Variants in L3MBTL4 observed in about 807,000 individuals in gnomAD.
L3MBTL4 encodes lethal(3)malignant brain tumor-like protein 4.
A neutral mutation model predicts 84.5 loss-of-function variants in L3MBTL4; 70 were observed. The ratio of observed to expected loss-of-function variants is 0.83; its 90% confidence interval spans 0.68 to 1.01. The LOEUF (loss-of-function observed/expected upper bound fraction) is 1.01. Ranked by LOEUF, L3MBTL4 falls within the 50% of genes least tolerant of loss-of-function variation. The pLI is 0.00. For synonymous variants in L3MBTL4, 274 were observed against 259.8 expected (o/e 1.05, Z -0.52); for missense variants, 715 against 754.8 (o/e 0.95, Z 0.62).
intron 4 of L3MBTL4, among the ~76,000 whole-genome samples, chr18:6,293,145 C>A (rs2146721441): frequency 6.6e-6 from 1 of 152,248 alleles, no homozygotes; most frequent in South Asian, 2.1e-4. Context: ...GTAGTTTACT[C>A]AACTTCAACA....
intron 12 of L3MBTL4, among the ~76,000 whole-genome samples, chr18:6,197,908 C>A (rs541863419): frequency 6.6e-6 from 1 of 152,188 alleles, no homozygotes; most frequent in East Asian, 1.9e-4. Flanking sequence ...AGCCCAGAAG[C>A]GTCTGTTAGG....
chr18:6,180,221 G>A (rs2044406206), intron 12 of L3MBTL4, among the ~76,000 whole-genome samples: 1 of 151,984 alleles, frequency 6.6e-6, no homozygotes. Flanking sequence ...GAAGGAGAGA[G>A]CATGAAGGAA....
At chr18:6,118,859 T>A (rs1218019808) in intron 14 of L3MBTL4, among the ~76,000 whole-genome samples, 3 of 152,300 alleles carry the variant, frequency 2.0e-5, no homozygotes, top group African/African-American at 7.2e-5. Flanking sequence ...TTTTAGGGGT[T>A]TGCAATGTGT....
At chr18:6,043,997 C>G (rs545179853) in intron 16 of L3MBTL4, among the ~76,000 whole-genome samples, 1 of 152,272 alleles carries the variant, frequency 6.6e-6, no homozygotes, top group South Asian at 2.1e-4. Context: ...ACACAGGGTA[C>G]TTGCTCCATA....
At chr18:6,388,068 C>G (rs341197) in intron 1 of L3MBTL4, among the ~76,000 whole-genome samples, 1 of 151,716 alleles carries the variant, frequency 6.6e-6, no homozygotes, top group Admixed American at 6.6e-5. Flanking sequence ...AATATGATAC[C>G]CTTTTATACC....
intron 13 of L3MBTL4, among the ~76,000 whole-genome samples, chr18:6,156,699 G>T (rs1201293156): frequency 1.3e-5 from 2 of 152,142 alleles, no homozygotes; most frequent in Non-Finnish European, 2.9e-5. Context: ...AGAATCTGGC[G>T]AGCCTTACTG....
chr18:6,344,758 A>C (rs528809513), intron 1 of L3MBTL4, among the ~76,000 whole-genome samples: 2 of 152,332 alleles, frequency 1.3e-5, no homozygotes, highest in African/African-American at 4.8e-5. Flanking sequence ...CATATGCTAC[A>C]TTAACAGAAT....
At chr18:6,383,830 G>A (rs1194050421) in intron 1 of L3MBTL4, among the ~76,000 whole-genome samples, 2 of 152,162 alleles carry the variant, frequency 1.3e-5, no homozygotes, top group African/African-American at 2.4e-5. Context: ...TGTACAATCT[G>A]CATGAATGTT....
At chr18:6,129,266 T>A (rs1386526210) in intron 14 of L3MBTL4, among the ~76,000 whole-genome samples, 1 of 152,122 alleles carries the variant, frequency 6.6e-6, no homozygotes, top group Non-Finnish European at 1.5e-5. Flanking sequence ...CCAAAACAGT[T>A]TATCAGCTAT....
At position 6,295,363 on chromosome 18, in the gene L3MBTL4, T is replaced by C. The variant is rs1599525996; in HGVS notation, c.127+6540A>G. Among the ~76,000 whole-genome samples the C allele has an allele frequency of 2.0e-5, 3 of 148,490 alleles. No individual in the cohort carries two copies. The South Asian group carries it at 6.4e-4, about 32-fold the overall frequency. On this transcript the variant is annotated intron_variant, in intron 4 of 18. Coordinates refer to ENST00000317931, the MANE Select transcript of L3MBTL4 (RefSeq NM_001330559.2). ...CTCTCTCTCTATATATATATATATA[T>C]ATATATATACAGCCTTTATGAATAC... is the stretch of plus-strand genomic sequence containing the variant.
At chr18:6,246,401 A>G (rs2047668118) in intron 5 of L3MBTL4, among the ~76,000 whole-genome samples, 1 of 152,144 alleles carries the variant, frequency 6.6e-6, no homozygotes, top group African/African-American at 2.4e-5. Context: ...CCAATTCATC[A>G]TTATTTTCTT....
intron 10 of L3MBTL4, among the ~76,000 whole-genome samples, chr18:6,229,598 T>G (rs1568348557): frequency 6.6e-6 from 1 of 152,186 alleles, no homozygotes. Flanking sequence ...TTTAAGAACT[T>G]CAATAGTTTT....
chr18:6,332,108 C>T (rs2052069025), intron 1 of L3MBTL4, among the ~76,000 whole-genome samples: 1 of 152,182 alleles, frequency 6.6e-6, no homozygotes, highest in Non-Finnish European at 1.5e-5. Flanking sequence ...CCTTGACATT[C>T]TGCCTTCATA....
intron 16 of L3MBTL4, among the ~76,000 whole-genome samples, chr18:6,016,934 AG>A (rs1391220462): frequency 1.3e-5 from 2 of 152,146 alleles, no homozygotes; most frequent in Non-Finnish European, 2.9e-5. Flanking sequence ...CAGCCAGGCC[AG>A]GGGTACCACC....
intron 16 of L3MBTL4, among the ~76,000 whole-genome samples, chr18:6,074,056 T>G (rs1258372309): frequency 6.9e-6 from 1 of 144,094 alleles, no homozygotes; most frequent in Admixed American, 6.7e-5. Flanking sequence ...ATGTGAAGTG[T>G]TTTTTTGTTT....
intron 14 of L3MBTL4, among the ~76,000 whole-genome samples, chr18:6,113,571 T>C (rs1200516251): frequency 1.3e-5 from 2 of 152,032 alleles, no homozygotes; most frequent in Non-Finnish European, 2.9e-5. Flanking sequence ...GATGTGACAG[T>C]GGCTCCTGTA....
At chr18:6,092,830 C>G (rs969235141) in intron 15 of L3MBTL4, among the ~76,000 whole-genome samples, 1 of 152,080 alleles carries the variant, frequency 6.6e-6, no homozygotes, top group Admixed American at 6.5e-5. Context: ...TTTAGAATCA[C>G]GAGTTTACAT....
intron 4 of L3MBTL4, among the ~76,000 whole-genome samples, chr18:6,294,094 A>T (rs1440411297): frequency 3.3e-5 from 5 of 152,116 alleles, no homozygotes; most frequent in African/African-American, 9.7e-5. Flanking sequence ...ATGTTCTTAT[A>T]TGTAGGAAAT....
At chr18:6,212,367 ATC>A (rs1307085650) in intron 12 of L3MBTL4, among the ~76,000 whole-genome samples, 3 of 152,238 alleles carry the variant, frequency 2.0e-5, no homozygotes, top group Non-Finnish European at 4.4e-5. Context: ...ACCTAAATCT[ATC>A]TTTTAAGTTA....
Sources: allele counts gnomAD v4.1 joint callset (sites outside exome capture counted in the v4.1 genomes callset), GRCh38; gene constraint gnomAD v4.1.1; transcripts MANE v1.5; gene names NCBI Gene and HGNC (gene_info 2026-07-23, HGNC 2026-07-21).